Variants in PPP2R2C observed in about 807,000 individuals in gnomAD.
The protein encoded by PPP2R2C is protein phosphatase 2, regulatory subunit B, gamma.
In PPP2R2C, 10 loss-of-function variants were observed where a neutral mutation model predicts 45.3. The observed-to-expected ratio is 0.22, with a 90% confidence interval of 0.14 to 0.37. PPP2R2C has a LOEUF of 0.37. PPP2R2C is among the 10% of genes least tolerant of loss of function. The pLI is 1.00. For synonymous variants in PPP2R2C, 257 were observed against 245.4 expected, an observed-to-expected ratio of 1.05 and a Z score of -0.44; for missense variants, 308 against 619.7, an observed-to-expected ratio of 0.50 and a Z score of 5.34.
chr4:6,462,457 C>T lies in PPP2R2C; in HGVS notation c.70+9703G>A, dbSNP rs559880462. Among the ~76,000 whole-genome samples, 6 of 151,968 alleles carry T rather than the reference C, an allele frequency of 3.9e-5. No individual in the cohort carries two copies. In the East Asian group the frequency reaches 9.7e-4, roughly 24 times the overall value. On this transcript the variant is annotated intron_variant, in intron 1 of 8. Coordinates refer to ENST00000382599, the MANE Select transcript of PPP2R2C (RefSeq NM_020416.4). The stretch of plus-strand genomic sequence containing the variant: ...TCACGCCATTGTACTCCAGCCTGGG[C>T]GACAGAGTGAAACTCCGTCTTAAAA...
chr4:6,396,286 A>G (rs1370959024), intron 1 of PPP2R2C, among the ~76,000 whole-genome samples: 1 of 152,204 alleles, frequency 6.6e-6, no homozygotes, highest in Non-Finnish European at 1.5e-5. Flanking sequence ...CACCTGAGCC[A>G]TGAGAGTGAC....
chr4:6,462,371 C>G (rs913663362), intron 1 of PPP2R2C, among the ~76,000 whole-genome samples: 1 of 152,140 alleles, frequency 6.6e-6, no homozygotes, highest in Non-Finnish European at 1.5e-5. Context: ...CCCAGCTGCT[C>G]AGGATGCTGA....
intron 2 of PPP2R2C, among the ~76,000 whole-genome samples, chr4:6,480,257 T>C (rs1399058292): frequency 1.3e-5 from 2 of 152,232 alleles, no homozygotes; most frequent in African/African-American, 2.4e-5. Context: ...CTGCTTTTTT[T>C]CCTAAGCATT....
Position 6,563,374 on chromosome 4 carries a change from T to A in PPP2R2C, c.-59+186A>T, listed in dbSNP as rs998965625. Among the ~76,000 whole-genome samples the A allele has an allele frequency of 1.3e-4, 20 of 152,104 alleles. No individual in the cohort carries two copies. Among genetic ancestry groups the A allele is most frequent in the Non-Finnish European group, 2.8e-4 (19 of 67,998 alleles). On this transcript the variant is annotated intron_variant, in intron 1 of 9. Transcript: ENST00000506140. The surrounding 1 kb of genome is among the most constrained non-coding windows in gnomAD (Gnocchi z 5.8). ...TGCCCCAGGACCGCCCCGGGGTCGG[T>A]GCCCGGGCTCTCTGAGTCTCGCTTC...
rs1723505726 is a variant in PPP2R2C, at chr4:6,511,577, CGGTGGTGGTGGTGGTGGTGATGGG to C, written c.49+23670_49+23693del. Reference sequence around the variant, plus strand: ...GTGGTGGTGGTGGTGGTGGTGATGGCGGTGGTGGTGGTGGTGGTGATGGGGGTGGTGGTGGTGGTGATGGTGGTG... The same window carrying C: ...GTGGTGGTGGTGGTGGTGGTGATGGCGGTGGTGGTGGTGGTGATGGTGGTG... On this transcript the variant is annotated intron_variant, in intron 2 of 9. Coordinates refer to the PPP2R2C transcript ENST00000506140. 1.7e-3 allele frequency among the ~76,000 whole-genome samples: 2 copies of C among 1,156 alleles called. 1 individual carries two copies. The highest frequency in any genetic ancestry group is 3.4e-3 in the Non-Finnish European group (2 of 586). 0.8% of individuals were successfully genotyped at this position (1,156 alleles called of 152,430 possible).
chr4:6,552,396 C>T (rs1007031125), intron 1 of PPP2R2C, among the ~76,000 whole-genome samples: 2 of 152,208 alleles, frequency 1.3e-5, no homozygotes, highest in Admixed American at 1.3e-4. Context: ...CCTTGATCTT[C>T]GAGCTTCTGG....
At chr4:6,413,242 AACAC>A (rs530355398) in intron 1 of PPP2R2C, among the ~76,000 whole-genome samples, 7,956 of 149,164 alleles carry the variant, frequency 0.053, 279 homozygotes, top group Non-Finnish European at 0.08. Flanking sequence ...TGTACATACA[AACAC>A]ACAGTCATGT....
At position 6,364,155 on chromosome 4, in the gene PPP2R2C, G is replaced by C. The variant is rs1255278309; in HGVS notation, c.625+8368C>G. 1.3e-5 allele frequency among the ~76,000 whole-genome samples: 2 copies of C among 152,214 alleles called. No homozygotes were observed. The highest frequency in any genetic ancestry group is 1.3e-4 in the Admixed American group (2 of 15,286). ...AGGGAAGGGGCTCGAGGGAGTCATG[G>C]AGGGGATGGACTAGTTCCGACAGAC... On this transcript the variant is annotated intron_variant, in intron 5 of 8. Coordinates refer to ENST00000382599, the MANE Select transcript of PPP2R2C (RefSeq NM_020416.4). This position sits in a 1 kb window ranked among gnomAD's most constrained non-coding sequence, Gnocchi z 5.3.
chr4:6,358,094 A>G (rs4312830), intron 5 of PPP2R2C, among the ~76,000 whole-genome samples: 140,321 of 152,154 alleles, frequency 0.92, 65,321 homozygotes, highest in East Asian at 1. Context: ...TATGCTACAA[A>G]GCTACAGTAA....
At chr4:6,548,636 C>G (rs2108837881) in intron 1 of PPP2R2C, among the ~76,000 whole-genome samples, 1 of 152,306 alleles carries the variant, frequency 6.6e-6, no homozygotes, top group South Asian at 2.1e-4. Flanking sequence ...TGTGACTGAC[C>G]CTCTCAGCCA....
intron 1 of PPP2R2C, chr4:6,413,925 C>A (rs151282865): frequency 1.3e-6 from 2 of 1,536,016 alleles, no homozygotes; most frequent in Non-Finnish European, 1.7e-6. Flanking sequence ...TTCCCATCAG[C>A]GTCTTCGTTA....
intron 5 of PPP2R2C, among the ~76,000 whole-genome samples, chr4:6,367,644 C>T (rs1252646608): frequency 6.6e-6 from 1 of 152,232 alleles, no homozygotes; most frequent in Non-Finnish European, 1.5e-5. Flanking sequence ...CATTACTCGG[C>T]TGCTATCAGT....
chr4:6,452,386 G>C (rs1720780951), intron 1 of PPP2R2C, among the ~76,000 whole-genome samples: 1 of 152,224 alleles, frequency 6.6e-6, no homozygotes, highest in South Asian at 2.1e-4. Context: ...TCCACTCTTG[G>C]CTCACTGTCC....
At chr4:6,392,798 G>A (rs1027039859) in intron 1 of PPP2R2C, among the ~76,000 whole-genome samples, 3 of 152,174 alleles carry the variant, frequency 2.0e-5, no homozygotes, top group Admixed American at 1.3e-4. Context: ...TAGCATGGAC[G>A]AGCACTTTCA....
intron 1 of PPP2R2C, among the ~76,000 whole-genome samples, chr4:6,438,380 C>A (rs191655500): frequency 6.6e-6 from 1 of 152,278 alleles, no homozygotes; most frequent in African/African-American, 2.4e-5. Flanking sequence ...GAATGTGGCC[C>A]AAGAGAATAG....
upstream of PPP2R2C, among the ~76,000 whole-genome samples, chr4:6,473,442 A>T (rs1408225549): frequency 6.6e-6 from 1 of 152,052 alleles, no homozygotes; most frequent in Admixed American, 6.5e-5. Flanking sequence ...CTAATGAATC[A>T]CAGTCCCCTG....
At chr4:6,534,773 T>C (rs1214852044) in intron 2 of PPP2R2C, among the ~76,000 whole-genome samples, 4 of 152,150 alleles carry the variant, frequency 2.6e-5, no homozygotes, top group African/African-American at 7.2e-5. Flanking sequence ...CCCTGGTGGA[T>C]TTCTCATGGC....
At chr4:6,464,182 C>CATAT (rs1721474856) in intron 1 of PPP2R2C, among the ~76,000 whole-genome samples, 1 of 152,192 alleles carries the variant, frequency 6.6e-6, no homozygotes, top group Admixed American at 6.5e-5. Context: ...TCATGTCCAG[C>CATAT]ATATAGTATT....
intron 8 of PPP2R2C, among the ~76,000 whole-genome samples, chr4:6,325,986 G>C (rs1224278884): frequency 6.6e-6 from 1 of 152,236 alleles, no homozygotes; most frequent in East Asian, 1.9e-4. Flanking sequence ...GTTGCAGCGA[G>C]CCGAGATGGC....
Sources: gnomAD v4.1 joint callset for allele counts (sites outside exome capture counted in the v4.1 genomes callset) on GRCh38, gnomAD v4.1.1 for gene constraint, Gnocchi (gnomAD v3.1) non-coding constraint, MANE v1.5 for transcripts, NCBI Gene and HGNC (gene_info 2026-07-23, HGNC 2026-07-21) for gene names.